The following NCAM2 variants were observed in gnomAD, a reference collection of about 807,000 sequenced individuals.
NCAM2 encodes the protein neural cell adhesion molecule 2, also known as N-CAM-2.
A neutral mutation model predicts 98.1 loss-of-function variants in NCAM2; 30 were observed. The ratio of observed to expected loss-of-function variants is 0.31; its 90% CI spans 0.23 to 0.41. The LOEUF is 0.41. Among genes scored for constraint, NCAM2 ranks in the 10% least tolerant of loss-of-function variants. The pLI is 1.00. For synonymous variants in NCAM2, 368 were observed against 342.4 expected (o/e 1.07, Z -0.83); for missense variants, 867 against 1,005.8 (o/e 0.86, Z 1.87).
chr21:21,331,288 C>T (rs1299538361), intron 6 of NCAM2, among the ~76,000 whole-genome samples: 1 of 151,214 alleles, frequency 6.6e-6, no homozygotes, highest in Non-Finnish European at 1.5e-5. Flanking sequence ...AGACATGCGC[C>T]ACAATGCCCA....
intron 16 of NCAM2, among the ~76,000 whole-genome samples, chr21:21,514,560 T>G (rs1454949176): frequency 6.6e-6 from 1 of 152,036 alleles, no homozygotes; most frequent in Non-Finnish European, 1.5e-5. Flanking sequence ...ATTTGTCTCT[T>G]GTCTTATTTT....
intron 1 of NCAM2, among the ~76,000 whole-genome samples, chr21:21,236,062 A>G (rs1289887220): frequency 6.6e-6 from 1 of 152,024 alleles, no homozygotes; most frequent in African/African-American, 2.4e-5. Context: ...AGGGACATAA[A>G]TACCCTGAAT....
intron 6 of NCAM2, among the ~76,000 whole-genome samples, chr21:21,329,510 A>G (rs1284113512): frequency 6.6e-6 from 1 of 152,102 alleles, no homozygotes; most frequent in Non-Finnish European, 1.5e-5. Flanking sequence ...TGTAGAACAT[A>G]CCCCTGTGGT....
intron 1 of NCAM2, among the ~76,000 whole-genome samples, chr21:21,125,823 A>G (rs2039255): frequency 0.82 from 122,773 of 150,062 alleles, 51,186 homozygotes; most frequent in East Asian, 0.92. Flanking sequence ...TTAATGCAGC[A>G]CAATAGTCTC....
At chr21:21,026,855 C>CTTTT (rs752588922) in intron 1 of NCAM2, among the ~76,000 whole-genome samples, 42 of 126,784 alleles carry the variant, frequency 3.3e-4, no homozygotes, top group African/African-American at 4.7e-4. Flanking sequence ...TCTTCTTCTT[C>CTTTT]TTTTTTTTTT....
At chr21:21,486,894 T>C (rs745436771) in intron 15 of NCAM2, among the ~76,000 whole-genome samples, 7 of 152,138 alleles carry the variant, frequency 4.6e-5, no homozygotes, top group African/African-American at 7.2e-5. Flanking sequence ...TTTGTTAGAT[T>C]TTAAGCATCT....
chr21:21,532,083 G>T (rs1410775745), intron 16 of NCAM2, among the ~76,000 whole-genome samples: 8 of 151,704 alleles, frequency 5.3e-5, no homozygotes, highest in Non-Finnish European at 1.2e-4. Flanking sequence ...GCCAACCAAG[G>T]TTAAGTAAAA....
At chr21:21,127,067 A>G (rs903629469) in intron 1 of NCAM2, among the ~76,000 whole-genome samples, 6 of 151,988 alleles carry the variant, frequency 3.9e-5, no homozygotes, top group African/African-American at 1.4e-4. Context: ...CTATTAAAAA[A>G]GAATAAGAAT....
Position 21,449,351 on chromosome 21 carries a change from A to T in NCAM2, c.1654+17070A>T, listed in dbSNP as rs914265979. Reference sequence around the variant, plus strand: ...TAATCCACGGGAGGAGAATGAAAGTATTCATAGTGCCCAGAAACTTAAAAA... The same window carrying T: ...TAATCCACGGGAGGAGAATGAAAGTTTTCATAGTGCCCAGAAACTTAAAAA... On this transcript the variant is annotated intron_variant, in intron 12 of 17. Transcript: ENST00000400546. Among the ~76,000 whole-genome samples, 12 of 151,898 alleles carry T rather than the reference A, an allele frequency of 7.9e-5. No homozygotes were observed. The East Asian group carries it at 1.7e-3, about 22-fold the overall frequency.
intron 15 of NCAM2, among the ~76,000 whole-genome samples, chr21:21,488,330 GTTAAA>G (rs1371135719): frequency 6.6e-6 from 1 of 151,836 alleles, no homozygotes; most frequent in African/African-American, 2.4e-5. Context: ...TTATGTTTGA[GTTAAA>G]TTAAAGCTAA....
chr21:21,030,591 A>G (rs7276365), intron 1 of NCAM2, among the ~76,000 whole-genome samples: 110,027 of 152,068 alleles, frequency 0.72, 40,129 homozygotes, highest in Admixed American at 0.79. Context: ...GTTAGGCAAC[A>G]TTCACATGCT....
chr21:21,011,855 A>G (rs190262377), intron 1 of NCAM2, among the ~76,000 whole-genome samples: 230 of 152,288 alleles, frequency 1.5e-3, no homozygotes, highest in African/African-American at 5.3e-3. Context: ...AGAAGCTGAC[A>G]TATATATGGT....
intron 1 of NCAM2, among the ~76,000 whole-genome samples, chr21:21,015,755 G>A (rs894053256): frequency 4.6e-5 from 7 of 152,138 alleles, no homozygotes; most frequent in African/African-American, 1.7e-4. Flanking sequence ...CCAGGCTGGA[G>A]CGCAATGGCA....
chr21:21,220,474 A>G lies in NCAM2; in HGVS notation c.56-60104A>G, dbSNP rs151253383. ...ACACAGCCTAGGTTTGTAGTACACT[A>G]TAGTGTCTAGGTCTGTGTAAGCAAA... On this transcript the variant is annotated intron_variant, in intron 1 of 17. Transcript: ENST00000400546. Among the ~76,000 whole-genome samples the G allele has an allele frequency of 9.9e-5, 15 of 152,280 alleles. No individual in the cohort carries two copies. The East Asian group carries it at 2.1e-3, about 22-fold the overall frequency.
chr21:21,218,538 G>A (rs1031597230), intron 1 of NCAM2, among the ~76,000 whole-genome samples: 3 of 152,154 alleles, frequency 2.0e-5, no homozygotes, highest in African/African-American at 7.2e-5. Flanking sequence ...AAAATAGAAA[G>A]ATTATTATAT....
intron 5 of NCAM2, among the ~76,000 whole-genome samples, chr21:21,299,843 A>G (rs2073643611): frequency 6.6e-6 from 1 of 151,930 alleles, no homozygotes; most frequent in Non-Finnish European, 1.5e-5. Flanking sequence ...TGGTTGTAGG[A>G]CCAACATCCA....
chr21:21,494,679 T>C (rs1441543343), intron 15 of NCAM2, among the ~76,000 whole-genome samples: 1 of 151,954 alleles, frequency 6.6e-6, no homozygotes, highest in Non-Finnish European at 1.5e-5. Context: ...ATTTTATATG[T>C]GCCAAAATGA....
At chr21:21,410,228 A>G in intron 9 of NCAM2, 46 bp from the exon 10 acceptor site, 1 of 1,059,558 alleles carries the variant, frequency 9.4e-7, no homozygotes, top group Non-Finnish European at 1.3e-6. Flanking sequence ...ATGATTATTT[A>G]ACTTAAAGAA....
intron 1 of NCAM2, among the ~76,000 whole-genome samples, chr21:21,246,149 G>T (rs1267450186): frequency 6.6e-6 from 1 of 152,084 alleles, no homozygotes; most frequent in African/African-American, 2.4e-5. Context: ...GAAGTTATCT[G>T]CCATGCCACT....
Sources: allele counts gnomAD v4.1 joint callset (sites outside exome capture counted in the v4.1 genomes callset), GRCh38; gene constraint gnomAD v4.1.1; transcripts MANE v1.5; gene names NCBI Gene and HGNC (gene_info 2026-07-23, HGNC 2026-07-21).